LINGO1: variants seen among roughly 807,000 people sequenced by gnomAD.
LINGO1 encodes leucine-rich repeat and immunoglobulin-like domain-containing nogo receptor-interacting protein 1.
A neutral mutation model predicts 37.3 loss-of-function variants in LINGO1; 11 were observed. The ratio of observed to expected loss-of-function variants is 0.29; its 90% CI spans 0.19 to 0.49. The LOEUF is 0.49. Ranked by LOEUF, LINGO1 falls within the 20% of genes least tolerant of loss-of-function variation. The probability of loss-of-function intolerance (pLI) is 0.99; values close to 1 mark genes in which losing one functional copy is unlikely to be tolerated. For missense variants in LINGO1, 585 were observed against 878.2 expected (o/e 0.67, Z 4.22); for synonymous variants, 387 against 403.0 (o/e 0.96, Z 0.48).
upstream of LINGO1, chr15:77,820,770 G>C (rs2077089767): frequency 6.6e-6 from 1 of 152,330 alleles, no homozygotes; most frequent in South Asian, 2.1e-4. Context: ...TCAGCCCCCA[G>C]AGTCCCACCT....
At chr15:77,645,978 C>T (rs1282119169) in intron 3 of LINGO1, among the ~76,000 whole-genome samples, 1 of 148,852 alleles carries the variant, frequency 6.7e-6, no homozygotes, top group African/African-American at 2.6e-5. Context: ...TGAGCAAGTG[C>T]ATGGGCAAGC....
chr15:77,623,637 GTCCGCCGTC>G (rs1273200582), intron 1 of LINGO1, among the ~76,000 whole-genome samples: 1 of 152,176 alleles, frequency 6.6e-6, no homozygotes, highest in African/African-American at 2.4e-5. Context: ...GGCAGCCAGT[GTCCGCCGTC>G]TCCCCGGGGG....
intron 3 of LINGO1, among the ~76,000 whole-genome samples, chr15:77,650,896 G>A (rs1465531398): frequency 2.0e-5 from 3 of 152,090 alleles, no homozygotes; most frequent in Admixed American, 1.3e-4. Flanking sequence ...GGCACTGTGT[G>A]GAGGCTTGGG....
upstream of LINGO1, among the ~76,000 whole-genome samples, chr15:77,698,682 C>T (rs961132962): frequency 6.6e-6 from 1 of 152,142 alleles, no homozygotes; most frequent in Non-Finnish European, 1.5e-5. Flanking sequence ...GGCACAGTCG[C>T]TGGGAGAGGC....
chr15:77,722,840 T>C (rs1386971577), intron 2 of LINGO1, among the ~76,000 whole-genome samples: 1 of 152,176 alleles, frequency 6.6e-6, no homozygotes, highest in Admixed American at 6.5e-5. Flanking sequence ...GGGCACCCGA[T>C]GGATGCTCAG....
At chr15:77,626,268 TGA>T (rs10564264) in intron 1 of LINGO1, among the ~76,000 whole-genome samples, 27,486 of 151,930 alleles carry the variant, frequency 0.18, 5,338 homozygotes, top group African/African-American at 0.49. Context: ...CAGGGACAGG[TGA>T]GAGAGTTTGG....
At chr15:77,730,375 A>C (rs532933715) in intron 2 of LINGO1, among the ~76,000 whole-genome samples, 1 of 152,304 alleles carries the variant, frequency 6.6e-6, no homozygotes, top group East Asian at 1.9e-4. Context: ...AACATGTCTA[A>C]GACCACACAG....
Position 77,632,294 on chromosome 15 carries a change from C to A in LINGO1, c.6+16G>T. The A allele has an allele frequency of 1.4e-6, 2 of 1,427,486 alleles. No homozygotes were observed. Among genetic ancestry groups the A allele is most frequent in the Non-Finnish European group, 1.8e-6 (2 of 1,091,646 alleles). The allele number at this position is 1,427,486 out of a possible 1,614,324, so 88.4% of individuals were successfully genotyped here. A position where few individuals can be genotyped will look rare whatever the true frequency, so the allele number is the denominator to read the frequency against. On this transcript the variant is annotated intron_variant, in intron 1 of 1. Transcript: ENST00000355300. The surrounding 1 kb of genome is among the most constrained non-coding windows in gnomAD (Gnocchi z 6.0). ...GGGCTGCCCGCTCGGGGCTCGGCCG[C>A]GGCCGCCTGGCTCACCTGCATCTCG...
intron 1 of LINGO1, among the ~76,000 whole-genome samples, chr15:77,810,608 G>A (rs1356069639): frequency 6.6e-6 from 1 of 152,202 alleles, no homozygotes; most frequent in African/African-American, 2.4e-5. Flanking sequence ...TTCACCATGA[G>A]ACACAAGACA....
chr15:77,706,692 C>T (rs190271985), intron 2 of LINGO1, among the ~76,000 whole-genome samples: 2 of 152,346 alleles, frequency 1.3e-5, no homozygotes, highest in East Asian at 3.9e-4. Context: ...CCAGACTGCC[C>T]AGTCTCAGTA....
intron 2 of LINGO1, among the ~76,000 whole-genome samples, chr15:77,728,537 C>G (rs2076124988): frequency 6.6e-6 from 1 of 152,220 alleles, no homozygotes; most frequent in Admixed American, 6.5e-5. Context: ...GAGGGCAGCT[C>G]CAGCTCCAGC....
chr15:77,755,649 C>T (rs1286767975), intron 1 of LINGO1, among the ~76,000 whole-genome samples: 2 of 152,176 alleles, frequency 1.3e-5, no homozygotes, highest in Non-Finnish European at 2.9e-5. Flanking sequence ...CTGGTTAACA[C>T]CTTCCCAAGG....
chr15:77,646,116 C>T (rs1333175289), intron 3 of LINGO1, among the ~76,000 whole-genome samples: 2 of 152,222 alleles, frequency 1.3e-5, no homozygotes, highest in Non-Finnish European at 2.9e-5. Flanking sequence ...ATGGAACAGA[C>T]ACCCAGCTGC....
At chr15:77,705,544 T>G (rs896772017) in intron 2 of LINGO1, among the ~76,000 whole-genome samples, 3 of 152,154 alleles carry the variant, frequency 2.0e-5, no homozygotes, top group African/African-American at 7.2e-5. Flanking sequence ...GGAGGGCCCC[T>G]GTGGTGGGGA....
At chr15:77,806,028 T>G (rs1473566395) in intron 1 of LINGO1, among the ~76,000 whole-genome samples, 1 of 152,188 alleles carries the variant, frequency 6.6e-6, no homozygotes, top group Admixed American at 6.5e-5. Flanking sequence ...AGCTCGAGGT[T>G]CCCTCCACCT....
chr15:77,655,347 T>G (rs1325463825), intron 3 of LINGO1, among the ~76,000 whole-genome samples: 1 of 152,100 alleles, frequency 6.6e-6, no homozygotes. Flanking sequence ...AGCTCCCAAC[T>G]GCCTACTTAA....
At chr15:77,655,733 C>T (rs1567494377) in intron 3 of LINGO1, among the ~76,000 whole-genome samples, 1 of 152,206 alleles carries the variant, frequency 6.6e-6, no homozygotes, top group Admixed American at 6.5e-5. Context: ...GATTCACACC[C>T]AGGTCTGTCT....
upstream of LINGO1, chr15:77,634,346 T>C (rs1401359629): frequency 2.2e-6 from 1 of 456,002 alleles, no homozygotes; most frequent in Admixed American, 2.3e-5. Context: ...TGGACAGTCC[T>C]GTCTGGAGCA....
At chr15:77,782,026 G>A (rs903744374) in intron 1 of LINGO1, among the ~76,000 whole-genome samples, 1 of 152,226 alleles carries the variant, frequency 6.6e-6, no homozygotes, top group Admixed American at 6.5e-5. Flanking sequence ...AAGCGTTCCA[G>A]AATTTTAAGC....
Sources: allele counts gnomAD v4.1 joint callset (sites outside exome capture counted in the v4.1 genomes callset), GRCh38; gene constraint gnomAD v4.1.1; non-coding constraint Gnocchi (gnomAD v3.1); transcripts MANE v1.5; gene names NCBI Gene and HGNC (gene_info 2026-07-23, HGNC 2026-07-21).